The following KIAA1210 variants were observed in gnomAD, a reference collection of about 807,000 sequenced individuals.
KIAA1210 encodes the protein KIAA1210, also known as acrosomal protein KIAA1210.
A neutral mutation model predicts 78.9 loss-of-function variants in KIAA1210; 48 were observed. The observed-to-expected ratio is 0.61, with a 90% CI of 0.48 to 0.77. The LOEUF (loss-of-function observed/expected upper bound fraction) is 0.77. Among genes scored for constraint, KIAA1210 ranks in the 30% least tolerant of loss-of-function variants. KIAA1210 has a pLI of 0.00. For missense variants in KIAA1210, 1,108 were observed against 1,100.0 expected (o/e 1.01, Z -0.10); for synonymous variants, 406 against 404.5 (o/e 1.00, Z -0.04).
chrX:119,112,896 T>C (rs181956895), intron 3 of KIAA1210, among the ~76,000 whole-genome samples: 28 of 111,989 alleles, frequency 2.5e-4, no homozygotes, highest in African/African-American at 8.7e-4. Flanking sequence ...TATACACAAA[T>C]GTTCACAGCA....
In KIAA1210 at chrX:119,095,647, C is replaced by A. The variant is rs181584275; in HGVS notation, c.846+847G>T. Among the ~76,000 whole-genome samples the A allele has an allele frequency of 8.0e-5, 9 of 112,338 alleles. No homozygotes were observed. In the East Asian group the frequency reaches 2.5e-3, roughly 31 times the overall value. ...AGGTGATCCGCCCGCCTTGGCCTCC[C>A]AAAGTGCTGGGATTACAGGCATGAA... On this transcript the variant is annotated intron_variant, in intron 7 of 11. Coordinates refer to ENST00000691062, the MANE Select transcript of KIAA1210 (RefSeq NM_001394962.1).
At chrX:119,113,298 C>T (rs925560778) in intron 3 of KIAA1210, among the ~76,000 whole-genome samples, 3 of 111,601 alleles carry the variant, frequency 2.7e-5, no homozygotes, top group African/African-American at 9.7e-5. Flanking sequence ...TTACAAAAAA[C>T]GTTGAATTTT....
At chrX:119,092,654 G>A (rs1461390086) in intron 8 of KIAA1210, among the ~76,000 whole-genome samples, 1 of 109,594 alleles carries the variant, frequency 9.1e-6, no homozygotes, top group Non-Finnish European at 1.9e-5. Flanking sequence ...CCAGCTACTA[G>A]GGAGGCTGAG....
intron 6 of KIAA1210, among the ~76,000 whole-genome samples, chrX:119,100,082 C>T (rs767871158): frequency 1.7e-3 from 183 of 110,684 alleles, no homozygotes; most frequent in Non-Finnish European, 3.0e-3. Flanking sequence ...TGGCGGCTCA[C>T]ACCTGTAATC....
At chrX:119,119,163 A>G in intron 2 of KIAA1210, among the ~76,000 whole-genome samples, 1 of 112,806 alleles carries the variant, frequency 8.9e-6, no homozygotes. Context: ...TAAGTGTTCA[A>G]TAAATGTGAG....
exon 1 of KIAA1210, chrX:119,150,427 C>A: frequency 1.7e-6 from 2 of 1,211,797 alleles, no homozygotes; most frequent in Non-Finnish European, 2.2e-6. Context: ...TGTAAGTCAA[C>A]CAAAGACAAC....
At chrX:119,091,282 T>G (rs1459020984) in intron 8 of KIAA1210, among the ~76,000 whole-genome samples, 1 of 112,142 alleles carries the variant, frequency 8.9e-6, no homozygotes, top group African/African-American at 3.2e-5. Context: ...CTGCTGGGAA[T>G]GTAAATTAGT....
chrX:119,096,764 C>G (rs990259079), intron 6 of KIAA1210, 73 bp from the exon 7 acceptor site: 2 of 768,518 alleles, frequency 2.6e-6, no homozygotes, highest in Admixed American at 7.1e-5. Flanking sequence ...GATATTCTTC[C>G]GGCTGAAGAA....
chrX:119,147,986 A>T (rs1006815743), intron 1 of KIAA1210, among the ~76,000 whole-genome samples: 10 of 111,364 alleles, frequency 9.0e-5, no homozygotes, highest in Admixed American at 2.8e-4. Context: ...AGATTTTTTT[A>T]AAATTAGCCA....
At chrX:119,130,752 A>G (rs1042739338), upstream of KIAA1210, among the ~76,000 whole-genome samples, 7 of 112,540 alleles carry the variant, frequency 6.2e-5, no homozygotes, top group African/African-American at 2.3e-4. Flanking sequence ...TATCCAGTAA[A>G]TTATGAGAGG....
At chrX:119,150,664 C>A, upstream of KIAA1210, 1 of 1,004,953 alleles carries the variant, frequency 1.0e-6, no homozygotes, top group Non-Finnish European at 1.4e-6. Flanking sequence ...CGCTGCTGAG[C>A]TTTCCCACTC....
In KIAA1210 at chrX:119,089,150, A is replaced by T. The variant is rs866506921; in HGVS notation, c.1552T>A (p.Phe518Ile). The T allele has an allele frequency of 1.7e-6, 2 of 1,211,219 alleles. No individual in the cohort carries two copies. Among genetic ancestry groups the T allele is most frequent in the Middle Eastern group, 4.6e-4 (2 of 4,352 alleles). ...AACTGGATATGAGAAGGATTCATAAACACCTGAGCCTCTGCTGCTACTGAG... is the reference window on the plus strand; with the variant it reads ...AACTGGATATGAGAAGGATTCATAATCACCTGAGCCTCTGCTGCTACTGAG... The part of the protein sequence containing the change: ...ILSVAAEAQV[F>I]MNPSHIQLED... The change falls in exon 9 of 12, where the codon TTT (phenylalanine) becomes ATT (isoleucine). Residue 518 changes from phenylalanine (F) to isoleucine (I), a missense_variant. By Grantham distance (21) the Phe-to-Ile change is conservative (BLOSUM62 0). Transcript: ENST00000691062.
intron 2 of KIAA1210, among the ~76,000 whole-genome samples, chrX:119,146,652 GC>G (rs1261362971): frequency 8.9e-6 from 1 of 111,834 alleles, no homozygotes; most frequent in Admixed American, 9.5e-5. Flanking sequence ...TCAAGAAATT[GC>G]CCAAGAGCCA....
chrX:119,089,641 G>C lies in KIAA1210; in HGVS notation c.1061C>G (p.Ser354Ter). The C allele has an allele frequency of 8.3e-7, 1 of 1,211,429 alleles. No homozygotes were observed. Among genetic ancestry groups the C allele is most frequent in the Non-Finnish European group, 1.1e-6 (1 of 895,283 alleles). Residue 354 changes from serine to a stop codon, truncating the protein, a stop_gained, in exon 9 of 12, where the codon TCA becomes TGA. Coordinates refer to ENST00000691062, the MANE Select transcript of KIAA1210 (RefSeq NM_001394962.1). LOFTEE classifies it high-confidence loss of function. The part of the protein sequence containing the change: ...DASRSQGYPM[S>*]AAYGRRWRRK... ...TCTCCATCTTCTTCCATATGCTGCT[G>C]ACATTGGATAGCCCTGACTCCGAGA... is the stretch of plus-strand genomic sequence containing the variant.
At position 119,079,334 on chromosome X, in the gene KIAA1210, T is replaced by C. The variant is rs1399715200; in HGVS notation, c.*1995A>G. The C allele has an allele frequency of 7.1e-5, 8 of 111,990 alleles. No homozygotes were observed. Among genetic ancestry groups the C allele is most frequent in the Non-Finnish European group, 1.5e-4 (8 of 53,201 alleles). The allele number at this position is 111,990 out of a possible 1,213,427, so 9.2% of individuals were successfully genotyped here. ...TAACAGAGGCAGACACAGTGATAAC[T>C]ACTCAGAAGTCACTTCTGGGTCTCC... On this transcript the variant is annotated 3_prime_UTR_variant, in exon 12 of 12. Transcript: ENST00000691062.
chrX:119,096,725 C>A, intron 6 of KIAA1210, 34 bp from the exon 7 acceptor site: 1 of 1,048,848 alleles, frequency 9.5e-7, no homozygotes, highest in Non-Finnish European at 1.3e-6. Context: ...ACGAGTCAAC[C>A]CGTATGCTGT....
chrX:119,129,334 T>C (rs1776471560), upstream of KIAA1210, among the ~76,000 whole-genome samples: 2 of 110,895 alleles, frequency 1.8e-5, no homozygotes, highest in Non-Finnish European at 3.8e-5. Flanking sequence ...GGCAAGTCAC[T>C]GGGGGGTTTG....
chrX:119,095,030 G>A (rs111263049), intron 7 of KIAA1210, among the ~76,000 whole-genome samples: 72 of 111,645 alleles, frequency 6.4e-4, no homozygotes, highest in African/African-American at 2.3e-3. Context: ...TCCCTCTGCC[G>A]CCCTGCTCCT....
At chrX:119,098,428 A>C (rs1927624035) in intron 6 of KIAA1210, among the ~76,000 whole-genome samples, 1 of 110,839 alleles carries the variant, frequency 9.0e-6, no homozygotes, top group South Asian at 3.9e-4. Flanking sequence ...AACATGATGA[A>C]ACTCTGTCTC....
Sources: gnomAD v4.1 joint callset for allele counts (sites outside exome capture counted in the v4.1 genomes callset) on GRCh38, gnomAD v4.1.1 for gene constraint, MANE v1.5 for transcripts, NCBI Gene and HGNC (gene_info 2026-07-23, HGNC 2026-07-21) for gene names.